Variants in CEP70 observed in about 807,000 individuals in gnomAD.
CEP70 encodes centrosomal protein of 70 kDa.
A neutral mutation model predicts 90.9 loss-of-function variants in CEP70; 70 were observed. The ratio of observed to expected loss-of-function variants is 0.77; its 90% CI spans 0.64 to 0.94. The LOEUF (loss-of-function observed/expected upper bound fraction) is 0.94, where lower values mean the gene tolerates loss of function less well. Ranked by LOEUF, CEP70 falls within the 40% of genes least tolerant of loss-of-function variation. CEP70 has a pLI of 0.00. For synonymous variants in CEP70, 220 were observed against 228.3 expected (o/e 0.96, Z 0.33); for missense variants, 648 against 669.0 (o/e 0.97, Z 0.35).
chr3:138,542,106 G>A (rs2038814037), intron 6 of CEP70, among the ~76,000 whole-genome samples: 1 of 152,252 alleles, frequency 6.6e-6, no homozygotes, highest in Non-Finnish European at 1.5e-5. Context: ...GGCAAGCCAG[G>A]TGCAGAGCAG....
At chr3:138,505,200 C>A (rs1245997288) in intron 13 of CEP70, 95 bp downstream of exon 13, 16 of 988,602 alleles carry the variant, frequency 1.6e-5, no homozygotes, top group Non-Finnish European at 2.2e-5. Context: ...AAAAATTAAA[C>A]CCTATTTAAT....
chr3:138,548,080 TAC>T (rs2039350467), intron 6 of CEP70, among the ~76,000 whole-genome samples: 1 of 152,046 alleles, frequency 6.6e-6, no homozygotes, highest in Non-Finnish European at 1.5e-5. Flanking sequence ...AGAAGAGAAC[TAC>T]AGACGAATAT....
intron 10 of CEP70, among the ~76,000 whole-genome samples, chr3:138,528,585 T>G (rs1190775070): frequency 6.6e-6 from 1 of 152,186 alleles, no homozygotes; most frequent in Non-Finnish European, 1.5e-5. Flanking sequence ...ATTGGCCGGA[T>G]GCAGTGGCTC....
intron 2 of CEP70, among the ~76,000 whole-genome samples, chr3:138,589,980 G>A (rs547277821): frequency 3.3e-5 from 5 of 152,156 alleles, no homozygotes; most frequent in African/African-American, 1.2e-4. Context: ...CATAAACACT[G>A]GTGGTAAACA....
At chr3:138,533,326 G>C (rs59184769) in intron 7 of CEP70, among the ~76,000 whole-genome samples, 10,981 of 151,458 alleles carry the variant, frequency 0.073, 807 homozygotes, top group East Asian at 0.38. Flanking sequence ...TGGAGAAGTA[G>C]AAAAAATAAT....
At chr3:138,517,161 C>T (rs981428936) in intron 11 of CEP70, among the ~76,000 whole-genome samples, 10 of 152,210 alleles carry the variant, frequency 6.6e-5, no homozygotes. Flanking sequence ...CATTACTTCC[C>T]AAGATAATTT....
In CEP70 at chr3:138,519,604, A is replaced by T. The variant is rs529077265; in HGVS notation, c.944+5886T>A. 3.9e-5 allele frequency among the ~76,000 whole-genome samples: 6 copies of T among 152,316 alleles called. No individual in the cohort carries two copies. In the South Asian group the frequency reaches 1.2e-3, roughly 32 times the overall value. On this transcript the variant is annotated intron_variant, in intron 11 of 17. Coordinates refer to ENST00000264982, the MANE Select transcript of CEP70 (RefSeq NM_024491.4). ...ACTAAGCTTCATAAGTGAAGGAGAA[A>T]TAAAATCCTTTACAGACAAGCAAAT...
At chr3:138,581,790 G>T (rs912650038) in intron 2 of CEP70, among the ~76,000 whole-genome samples, 3 of 150,536 alleles carry the variant, frequency 2.0e-5, no homozygotes, top group Non-Finnish European at 4.4e-5. Context: ...CCCACAGAAA[G>T]ATATCAATAT....
chr3:138,541,378 A>T (rs2038749133), intron 6 of CEP70, among the ~76,000 whole-genome samples: 1 of 152,028 alleles, frequency 6.6e-6, no homozygotes. Context: ...GGAGGGAGTG[A>T]AATAACATAT....
chr3:138,513,696 A>G (rs1464871777), intron 11 of CEP70, among the ~76,000 whole-genome samples: 6 of 152,228 alleles, frequency 3.9e-5, no homozygotes, highest in Non-Finnish European at 8.8e-5. Context: ...AACCACTTCA[A>G]GGACTGTCAG....
At position 138,543,525 on chromosome 3, in the gene CEP70, C is replaced by T. The variant is rs904388476; in HGVS notation, c.466-6178G>A. On this transcript the variant is annotated intron_variant, in intron 6 of 17. Coordinates refer to ENST00000264982, the MANE Select transcript of CEP70 (RefSeq NM_024491.4). Reference sequence around the variant, plus strand: ...AGGGGGCTTTCCAGGCCCATAAGAGCGCAGGGATGCCCAAGTCCCAAGCTG... The same window carrying T: ...AGGGGGCTTTCCAGGCCCATAAGAGTGCAGGGATGCCCAAGTCCCAAGCTG... Among the ~76,000 whole-genome samples, 8 of 152,178 alleles carry T rather than the reference C, an allele frequency of 5.3e-5. No individual in the cohort carries two copies. In the South Asian group the frequency reaches 8.3e-4, roughly 16 times the overall value.
chr3:138,571,449 T>A, intron 3 of CEP70, 93 bp from the exon 4 acceptor site: 1 of 859,674 alleles, frequency 1.2e-6, no homozygotes, highest in Non-Finnish European at 1.8e-6. Context: ...AGAATAGAAC[T>A]TTTTCTTCAA....
intron 11 of CEP70, 117 bp from the exon 12 acceptor site, chr3:138,508,661 ATATGTGTGTGTGCACACATGTATG>A (rs909895772): frequency 4.3e-6 from 3 of 699,534 alleles, no homozygotes; most frequent in Non-Finnish European, 5.2e-6. Flanking sequence ...CACTTTACTT[ATATGTGTGTGTGCACACATGTATG>A]TATGTGTATG....
At chr3:138,527,187 A>C (rs73229526) in intron 10 of CEP70, among the ~76,000 whole-genome samples, 66,916 of 151,654 alleles carry the variant, frequency 0.44, 16,813 homozygotes, top group Admixed American at 0.6. Context: ...TTTTGTTTTA[A>C]GAGACAGAGT....
intron 6 of CEP70, among the ~76,000 whole-genome samples, chr3:138,547,010 G>A (rs1476439077): frequency 6.6e-6 from 1 of 152,090 alleles, no homozygotes; most frequent in African/African-American, 2.4e-5. Flanking sequence ...GATGAAAAAT[G>A]AAATGAAATG....
At chr3:138,517,896 C>T (rs772162939) in intron 11 of CEP70, among the ~76,000 whole-genome samples, 11 of 152,172 alleles carry the variant, frequency 7.2e-5, no homozygotes, top group Admixed American at 3.9e-4. Flanking sequence ...TCGCCTCACC[C>T]GGGAAGCACA....
intron 6 of CEP70, among the ~76,000 whole-genome samples, chr3:138,561,452 G>A (rs1400218975): frequency 6.6e-6 from 1 of 152,024 alleles, no homozygotes; most frequent in Non-Finnish European, 1.5e-5. Context: ...AGCACAAAAA[G>A]GTTGAAAATT....
At chr3:138,592,548 G>A (rs1365364295) in intron 1 of CEP70, among the ~76,000 whole-genome samples, 1 of 149,968 alleles carries the variant, frequency 6.7e-6, no homozygotes, top group Admixed American at 6.6e-5. Flanking sequence ...TAAGATTGTT[G>A]GGGGTAGGAG....
At chr3:138,550,660 GC>G (rs928026872) in intron 6 of CEP70, among the ~76,000 whole-genome samples, 4 of 152,142 alleles carry the variant, frequency 2.6e-5, no homozygotes, top group Non-Finnish European at 5.9e-5. Context: ...ACCATGCCTG[GC>G]CAATTGCATA....
Sources: allele counts gnomAD v4.1 joint callset (sites outside exome capture counted in the v4.1 genomes callset), GRCh38; gene constraint gnomAD v4.1.1; transcripts MANE v1.5; gene names NCBI Gene and HGNC (gene_info 2026-07-23, HGNC 2026-07-21).